The following DOK6 variants were observed in gnomAD, a reference collection of about 807,000 sequenced individuals.
The protein encoded by DOK6 is downstream of tyrosine kinase 6.
Under a neutral mutation model 44.0 loss-of-function variants are expected in DOK6, and 22 were observed. The ratio of observed to expected loss-of-function variants is 0.50; its 90% confidence interval spans 0.36 to 0.71. DOK6 has a LOEUF of 0.71. Ranked by LOEUF, DOK6 falls within the 30% of genes least tolerant of loss-of-function variation. DOK6 has a pLI of 0.00. For synonymous variants in DOK6, 166 were observed against 145.5 expected (o/e 1.14, Z -1.01); for missense variants, 340 against 416.4 (o/e 0.82, Z 1.60).
At chr18:69,706,279 AG>A (rs1335040940) in intron 5 of DOK6, among the ~76,000 whole-genome samples, 1 of 152,180 alleles carries the variant, frequency 6.6e-6, no homozygotes, top group African/African-American at 2.4e-5. Flanking sequence ...TACATGTCAA[AG>A]GCACGGTTCA....
At chr18:69,413,614 G>A (rs940762992) in intron 1 of DOK6, among the ~76,000 whole-genome samples, 2 of 151,932 alleles carry the variant, frequency 1.3e-5, no homozygotes, top group African/African-American at 4.8e-5. Flanking sequence ...CTCAAAACAG[G>A]TCACAGACTT....
At chr18:69,841,220 G>A (rs757603917) in intron 7 of DOK6, 24 bp from the exon 8 acceptor site, 1 of 1,614,044 alleles carries the variant, frequency 6.2e-7, no homozygotes, top group Non-Finnish European at 8.5e-7. Flanking sequence ...TTTCTCAGTA[G>A]AGCTCTCCTT....
At chr18:69,442,994 ATGTTGCT>A (rs1181213175) in intron 1 of DOK6, among the ~76,000 whole-genome samples, 31 of 152,212 alleles carry the variant, frequency 2.0e-4, no homozygotes, top group Non-Finnish European at 3.8e-4. Flanking sequence ...AGGGAAACGA[ATGTTGCT>A]TCACACTCAT....
intron 2 of DOK6, among the ~76,000 whole-genome samples, chr18:69,589,378 G>T (rs1277775097): frequency 6.6e-6 from 1 of 151,954 alleles, no homozygotes; most frequent in African/African-American, 2.4e-5. Flanking sequence ...AACCATAGGA[G>T]ATTAGTAAAA....
At chr18:69,758,360 G>T (rs373189910) in intron 7 of DOK6, among the ~76,000 whole-genome samples, 27 of 152,246 alleles carry the variant, frequency 1.8e-4, no homozygotes, top group African/African-American at 5.8e-4. Context: ...ATTCGGAAAG[G>T]GTGCAGGGTA....
intron 1 of DOK6, among the ~76,000 whole-genome samples, chr18:69,491,179 T>C: frequency 6.6e-6 from 1 of 152,248 alleles, no homozygotes; most frequent in East Asian, 1.9e-4. Context: ...CTATTAATAG[T>C]AATAATAAAC....
intron 1 of DOK6, among the ~76,000 whole-genome samples, chr18:69,473,690 G>C (rs17184424): frequency 6.6e-6 from 1 of 152,108 alleles, no homozygotes; most frequent in African/African-American, 2.4e-5. Flanking sequence ...AATCCCTTCA[G>C]TGTTACAATG....
chr18:69,797,988 T>C (rs1171320537), intron 7 of DOK6, among the ~76,000 whole-genome samples: 1 of 152,112 alleles, frequency 6.6e-6, no homozygotes, highest in Admixed American at 6.6e-5. Flanking sequence ...CCGAATCTAA[T>C]CAAGACTCTA....
In DOK6 at chr18:69,589,716, G is replaced by A. The variant is rs185639301; in HGVS notation, c.175-9668G>A. On this transcript the variant is annotated intron_variant, in intron 2 of 7. Transcript: ENST00000382713. ...TATTCCACTTAATTTGCCCAGTTAG[G>A]CTAAAAGAAAAGATGCATAAAATAA... Among the ~76,000 whole-genome samples the A allele has an allele frequency of 4.9e-3, 738 of 152,078 alleles. 9 individuals carry two copies. Among genetic ancestry groups the A allele is most frequent in the Non-Finnish European group, 4.7e-3 (317 of 67,960 alleles).
At chr18:69,583,704 G>T (rs887897998) in intron 2 of DOK6, among the ~76,000 whole-genome samples, 1 of 147,980 alleles carries the variant, frequency 6.8e-6, no homozygotes, top group Non-Finnish European at 1.5e-5. Flanking sequence ...ATCGCTTGAG[G>T]CCAGGAAATC....
chr18:69,748,439 T>C (rs1979060938), intron 6 of DOK6, among the ~76,000 whole-genome samples: 1 of 152,060 alleles, frequency 6.6e-6, no homozygotes, highest in South Asian at 2.1e-4. Context: ...CTTGGCACCA[T>C]GGCACTTACT....
chr18:69,668,383 T>A (rs1040314120), intron 3 of DOK6, among the ~76,000 whole-genome samples: 3 of 152,232 alleles, frequency 2.0e-5, no homozygotes, highest in African/African-American at 7.2e-5. Context: ...AACCTAGGAA[T>A]GTCTTTTGTC....
rs35466330 is a variant in DOK6, at chr18:69,526,067, C to T, written c.67-38420C>T. ...TACATCCCTCATTAAATTGTTATTA[C>T]GGCTTTATTAAAATATAATTCATAT... is the stretch of plus-strand genomic sequence containing the variant. On this transcript the variant is annotated intron_variant, in intron 1 of 7. Coordinates refer to ENST00000382713, the MANE Select transcript of DOK6 (RefSeq NM_152721.6). 8.3e-3 allele frequency among the ~76,000 whole-genome samples: 1,261 copies of T among 152,096 alleles called. 11 individuals are homozygous for T. The highest frequency in any genetic ancestry group is 0.028 in the African/African-American group (1,179 of 41,524).
At chr18:69,807,320 A>G (rs1157259425) in intron 7 of DOK6, among the ~76,000 whole-genome samples, 1 of 152,010 alleles carries the variant, frequency 6.6e-6, no homozygotes, top group Non-Finnish European at 1.5e-5. Context: ...AAGAAATCAA[A>G]GTATGTCACT....
intron 5 of DOK6, chr18:69,721,420 T>C (rs1184765680): frequency 6.6e-6 from 1 of 152,194 alleles, no homozygotes; most frequent in Admixed American, 6.5e-5. Context: ...TATAGATCTT[T>C]AACAAAAAAT....
intron 3 of DOK6, among the ~76,000 whole-genome samples, chr18:69,609,404 C>G (rs1236532454): frequency 6.6e-6 from 1 of 151,664 alleles, no homozygotes; most frequent in Non-Finnish European, 1.5e-5. Flanking sequence ...CTGAACATAA[C>G]AAATCATTAT....
At chr18:69,789,945 A>T (rs1980543371) in intron 7 of DOK6, among the ~76,000 whole-genome samples, 2 of 152,136 alleles carry the variant, frequency 1.3e-5, no homozygotes. Context: ...TGAAACACAA[A>T]GACACTTTTG....
At chr18:69,521,029 G>T (rs760209013) in intron 1 of DOK6, among the ~76,000 whole-genome samples, 39 of 151,898 alleles carry the variant, frequency 2.6e-4, no homozygotes, top group Non-Finnish European at 4.9e-4. Context: ...TTGCTTAAAA[G>T]ACATCAGTGT....
At chr18:69,642,117 G>T (rs182814038) in intron 3 of DOK6, among the ~76,000 whole-genome samples, 16 of 152,222 alleles carry the variant, frequency 1.1e-4, no homozygotes, top group African/African-American at 3.9e-4. Flanking sequence ...CCATGTCTCT[G>T]TCTACCTAAC....
Sources: gnomAD v4.1 joint callset for allele counts (sites outside exome capture counted in the v4.1 genomes callset) on GRCh38, gnomAD v4.1.1 for gene constraint, MANE v1.5 for transcripts, NCBI Gene and HGNC (gene_info 2026-07-23, HGNC 2026-07-21) for gene names.